KDM4C: variants seen among roughly 807,000 people sequenced by gnomAD.
The protein encoded by KDM4C is lysine demethylase 4C.
In KDM4C, 81 loss-of-function variants were observed where a neutral mutation model predicts 129.3. The ratio of observed to expected loss-of-function variants is 0.63; its 90% CI spans 0.52 to 0.75. The LOEUF (loss-of-function observed/expected upper bound fraction) is 0.75. Ranked by LOEUF, KDM4C falls within the 30% of genes least tolerant of loss-of-function variation. The probability of loss-of-function intolerance (pLI) is 0.00; values close to 1 mark genes in which losing one functional copy is unlikely to be tolerated. For missense variants in KDM4C, 1,457 were observed against 1,304.0 expected (o/e 1.12, Z -1.81); for synonymous variants, 573 against 456.1 (o/e 1.26, Z -3.26).
At chr9:6,803,516 G>C (rs1280182555) in intron 2 of KDM4C, among the ~76,000 whole-genome samples, 1 of 151,256 alleles carries the variant, frequency 6.6e-6, no homozygotes, top group Non-Finnish European at 1.5e-5. Flanking sequence ...GTTGCGGTGA[G>C]CCGAGATTGG....
At chr9:6,873,185 C>T (rs564054477) in intron 5 of KDM4C, among the ~76,000 whole-genome samples, 30 of 152,194 alleles carry the variant, frequency 2.0e-4, no homozygotes, top group South Asian at 6.2e-4. Flanking sequence ...TTAGTAGAGA[C>T]GGGGTTTCAC....
chr9:6,834,782 C>T, intron 4 of KDM4C: 2 of 1,295,430 alleles, frequency 1.5e-6, no homozygotes, highest in Non-Finnish European at 2.2e-6. Flanking sequence ...CGAGGCCCCC[C>T]TGAACCCCAA....
intron 1 of KDM4C, among the ~76,000 whole-genome samples, chr9:6,728,006 T>C (rs1194732995): frequency 1.4e-5 from 2 of 144,122 alleles, no homozygotes; most frequent in African/African-American, 5.2e-5. Context: ...CGTTTAAGTG[T>C]GTGTTAAACC....
chr9:6,801,938 C>T (rs149330725), intron 2 of KDM4C, among the ~76,000 whole-genome samples: 5 of 151,800 alleles, frequency 3.3e-5, no homozygotes, highest in African/African-American at 7.3e-5. Flanking sequence ...AACCCTGTCT[C>T]TACAAAAATA....
chr9:6,778,246 C>A (rs1181999767), intron 1 of KDM4C, among the ~76,000 whole-genome samples: 1 of 151,788 alleles, frequency 6.6e-6, no homozygotes. Flanking sequence ...CCTGCCACCA[C>A]CCCTGGCTAA....
At chr9:7,014,786 G>C (rs1321376545) in intron 14 of KDM4C, among the ~76,000 whole-genome samples, 4 of 151,924 alleles carry the variant, frequency 2.6e-5, no homozygotes, top group African/African-American at 9.7e-5. Flanking sequence ...TTTGTATTAG[G>C]GTTGAAACAG....
chr9:7,095,271 T>C (rs958147452), intron 17 of KDM4C, among the ~76,000 whole-genome samples: 9 of 152,242 alleles, frequency 5.9e-5, no homozygotes, highest in Non-Finnish European at 8.8e-5. Context: ...AACTATACAC[T>C]ACTCTCTGAA....
At chr9:6,777,763 A>G (rs1362307863) in intron 1 of KDM4C, among the ~76,000 whole-genome samples, 1 of 151,944 alleles carries the variant, frequency 6.6e-6, no homozygotes, top group African/African-American at 2.4e-5. Flanking sequence ...CATTCTTAAC[A>G]AGCCATCCTC....
chr9:6,728,066 CAAAAAAAAA>C (rs574486528), intron 1 of KDM4C, among the ~76,000 whole-genome samples: 9 of 73,928 alleles, frequency 1.2e-4, no homozygotes, highest in East Asian at 5.4e-4. Flanking sequence ...CATGAAGCTG[CAAAAAAAAA>C]AAAAAAAAAA....
chr9:7,141,410 AAT>A (rs1841731075), intron 19 of KDM4C, among the ~76,000 whole-genome samples: 1 of 152,238 alleles, frequency 6.6e-6, no homozygotes, highest in East Asian at 1.9e-4. Flanking sequence ...AGCTTGCCTG[AAT>A]ACTGGGAGGC....
chr9:6,829,481 A>G (rs1383287125), intron 4 of KDM4C, among the ~76,000 whole-genome samples: 3 of 152,274 alleles, frequency 2.0e-5, no homozygotes, highest in Admixed American at 6.5e-5. Flanking sequence ...GCTGGTGAAC[A>G]TAAAGTCATT....
intron 2 of KDM4C, among the ~76,000 whole-genome samples, chr9:6,798,928 C>T (rs939218198): frequency 4.3e-4 from 63 of 146,376 alleles, no homozygotes; most frequent in African/African-American, 1.5e-3. Flanking sequence ...CAGACGGGGT[C>T]GCGGTCGGGT....
chr9:7,097,705 A>T (rs1836607834), intron 17 of KDM4C, among the ~76,000 whole-genome samples: 1 of 152,182 alleles, frequency 6.6e-6, no homozygotes, highest in Non-Finnish European at 1.5e-5. Context: ...TCTTAAATCT[A>T]GTAGTGCTTT....
In KDM4C at chr9:6,861,531, G is replaced by A. The variant is rs562004835; in HGVS notation, c.629+11831G>A. On this transcript the variant is annotated intron_variant, in intron 5 of 21. Transcript: ENST00000381309. ...GAAAACTGCTTATTAGAAATGTTCAGCCACTCTACCATATTTTGATTGTCA... is the reference window on the plus strand; with the variant it reads ...GAAAACTGCTTATTAGAAATGTTCAACCACTCTACCATATTTTGATTGTCA... Among the ~76,000 whole-genome samples, 3 of 152,258 alleles carry A rather than the reference G, an allele frequency of 2.0e-5. No individual in the cohort carries two copies. In the East Asian group the frequency reaches 5.8e-4, roughly 29 times the overall value.
chr9:6,768,809 G>A (rs1821161528), intron 1 of KDM4C, among the ~76,000 whole-genome samples: 1 of 150,960 alleles, frequency 6.6e-6, no homozygotes, highest in Non-Finnish European at 1.5e-5. Context: ...GTTTCACTCT[G>A]TTGCCCAGGC....
chr9:7,098,487 AG>A (rs769811551), intron 17 of KDM4C, among the ~76,000 whole-genome samples: 115 of 152,192 alleles, frequency 7.6e-4, no homozygotes, highest in Non-Finnish European at 1.5e-3. Flanking sequence ...TTTGGGGAAG[AG>A]AGACAGAGGA....
intron 3 of KDM4C, among the ~76,000 whole-genome samples, chr9:6,814,177 T>C (rs1246254066): frequency 1.3e-5 from 2 of 152,334 alleles, no homozygotes; most frequent in East Asian, 3.9e-4. Context: ...ATTAATATAT[T>C]CAGCATTTAC....
At position 7,102,179 on chromosome 9, in the gene KDM4C, T is replaced by G. The variant is rs532208010; in HGVS notation, c.2425-1506T>G. 2.0e-5 allele frequency among the ~76,000 whole-genome samples: 3 copies of G among 152,242 alleles called. No individual in the cohort carries two copies. The East Asian group carries it at 5.8e-4, about 29-fold the overall frequency. ...CCACTTAAAAATGCTTAATTGTACA[T>G]TGAATCTAGATGTATAAGGAAATCA... On this transcript the variant is annotated intron_variant, in intron 17 of 21. Transcript: ENST00000381309.
chr9:6,828,369 A>C (rs772796453), intron 4 of KDM4C, among the ~76,000 whole-genome samples: 4 of 151,800 alleles, frequency 2.6e-5, no homozygotes, highest in African/African-American at 9.7e-5. Context: ...GGCTGGTCTC[A>C]ATCTCCTGAC....
Sources: allele counts gnomAD v4.1 joint callset (sites outside exome capture counted in the v4.1 genomes callset), GRCh38; gene constraint gnomAD v4.1.1; transcripts MANE v1.5; gene names NCBI Gene and HGNC (gene_info 2026-07-23, HGNC 2026-07-21).